The following AUTS2 variants were observed in gnomAD, a reference collection of about 807,000 sequenced individuals.
AUTS2 encodes activator of transcription and developmental regulator AUTS2.
In AUTS2, 17 loss-of-function variants were observed where a neutral mutation model predicts 112.4. The ratio of observed to expected loss-of-function variants is 0.15; its 90% confidence interval spans 0.10 to 0.23. The LOEUF (loss-of-function observed/expected upper bound fraction) is 0.23, where lower values mean the gene tolerates loss of function less well. AUTS2 is among the 10% of genes least tolerant of loss of function. AUTS2 has a pLI of 1.00. For synonymous variants in AUTS2, 751 were observed against 702.7 expected (o/e 1.07, Z -1.09); for missense variants, 1,510 against 1,701.6 (o/e 0.89, Z 1.98).
intron 4 of AUTS2, among the ~76,000 whole-genome samples, chr7:70,166,699 G>GA (rs1210030785): frequency 6.6e-6 from 1 of 151,572 alleles, no homozygotes; most frequent in Non-Finnish European, 1.5e-5. Context: ...AAAAAATTAA[G>GA]AAAAAAAGGG....
chr7:69,943,965 A>G (rs1297821266), intron 2 of AUTS2, among the ~76,000 whole-genome samples: 1 of 152,244 alleles, frequency 6.6e-6, no homozygotes, highest in Non-Finnish European at 1.5e-5. Context: ...GTTGTTTTAA[A>G]TAATTAGATT....
Position 69,977,526 on chromosome 7 carries a change from A to G in AUTS2, c.522+78028A>G, listed in dbSNP as rs146651387. Among the ~76,000 whole-genome samples the G allele has an allele frequency of 1.5e-3, 235 of 152,336 alleles. 5 individuals carry two copies. In the East Asian group the frequency reaches 0.043, roughly 28 times the overall value. On this transcript the variant is annotated intron_variant, in intron 2 of 18. Transcript: ENST00000342771. ...GTATTTATGGATCATTTGTGGTACT[A>G]TGGACATTTTAACAACAGTAGGTAT...
chr7:70,611,694 A>G (rs1343220945), intron 5 of AUTS2, among the ~76,000 whole-genome samples: 1 of 152,232 alleles, frequency 6.6e-6, no homozygotes, highest in Non-Finnish European at 1.5e-5. Context: ...ACGCAGTCAC[A>G]ATGGATAACT....
intron 1 of AUTS2, among the ~76,000 whole-genome samples, chr7:69,821,214 A>G (rs934480459): frequency 5.3e-5 from 8 of 152,172 alleles, no homozygotes; most frequent in African/African-American, 1.9e-4. Flanking sequence ...GAGTAGAGAT[A>G]TGAAGAAATA....
chr7:69,624,935 C>T (rs1216330365), intron 1 of AUTS2, among the ~76,000 whole-genome samples: 2 of 118,662 alleles, frequency 1.7e-5, no homozygotes, highest in African/African-American at 6.4e-5. Flanking sequence ...GGTGCCCCCG[C>T]CCCCCACCCC....
intron 4 of AUTS2, among the ~76,000 whole-genome samples, chr7:70,423,447 A>G (rs1365994294): frequency 1.3e-5 from 2 of 152,146 alleles, no homozygotes; most frequent in Non-Finnish European, 2.9e-5. Context: ...TATCCATTCT[A>G]TTTATCTGTG....
chr7:70,524,870 G>C (rs1485693982), intron 5 of AUTS2, among the ~76,000 whole-genome samples: 1 of 152,198 alleles, frequency 6.6e-6, no homozygotes, highest in Non-Finnish European at 1.5e-5. Context: ...GCCCAGTGCA[G>C]ACGCCTCGAT....
At chr7:70,289,316 G>A (rs1441717963) in intron 4 of AUTS2, among the ~76,000 whole-genome samples, 1 of 152,190 alleles carries the variant, frequency 6.6e-6, no homozygotes, top group Non-Finnish European at 1.5e-5. Flanking sequence ...CAGTGCTATT[G>A]GAAGATGCAT....
intron 4 of AUTS2, among the ~76,000 whole-genome samples, chr7:70,325,656 C>T (rs567985737): frequency 1.7e-4 from 26 of 152,272 alleles, no homozygotes; most frequent in African/African-American, 5.5e-4. Context: ...ACCCCACCCC[C>T]GATCAGATTC....
intron 1 of AUTS2, among the ~76,000 whole-genome samples, chr7:69,620,676 G>A (rs1462246597): frequency 6.6e-6 from 1 of 152,164 alleles, no homozygotes; most frequent in Non-Finnish European, 1.5e-5. Flanking sequence ...TACTAAAAAA[G>A]CAAGAATATG....
At chr7:69,756,371 C>G (rs1297888804) in intron 1 of AUTS2, among the ~76,000 whole-genome samples, 1 of 152,152 alleles carries the variant, frequency 6.6e-6, no homozygotes, top group African/African-American at 2.4e-5. Flanking sequence ...TACATATCAG[C>G]AAGCAAAATA....
intron 2 of AUTS2, among the ~76,000 whole-genome samples, chr7:70,091,735 G>A (rs1803932201): frequency 6.6e-6 from 1 of 152,150 alleles, no homozygotes; most frequent in Non-Finnish European, 1.5e-5. Context: ...TCTGGGTCCT[G>A]TGGTAATCAT....
intron 2 of AUTS2, among the ~76,000 whole-genome samples, chr7:70,065,332 A>G (rs1802438053): frequency 6.6e-6 from 1 of 152,196 alleles, no homozygotes; most frequent in Non-Finnish European, 1.5e-5. Flanking sequence ...ACCAGAATTC[A>G]AGGAAAAAAA....
At chr7:70,088,134 T>C (rs1407597584) in intron 2 of AUTS2, among the ~76,000 whole-genome samples, 1 of 152,098 alleles carries the variant, frequency 6.6e-6, no homozygotes, top group Non-Finnish European at 1.5e-5. Context: ...TTTTGTTTGT[T>C]TGTTTTTGAG....
intron 5 of AUTS2, among the ~76,000 whole-genome samples, chr7:70,629,582 A>G (rs1426379582): frequency 2.6e-5 from 4 of 152,060 alleles, no homozygotes; most frequent in Non-Finnish European, 5.9e-5. Flanking sequence ...CACCTCCCTT[A>G]GCAGCCTGAA....
intron 14 of AUTS2, among the ~76,000 whole-genome samples, chr7:70,780,429 T>C (rs1178509769): frequency 6.6e-6 from 1 of 151,910 alleles, no homozygotes; most frequent in Non-Finnish European, 1.5e-5. Context: ...TTGTTTTTTT[T>C]TTTTGGAGAC....
chr7:69,891,670 A>G (rs574202065), intron 1 of AUTS2, among the ~76,000 whole-genome samples: 2 of 139,202 alleles, frequency 1.4e-5, no homozygotes, highest in South Asian at 2.4e-4. Flanking sequence ...CAGCCATTTT[A>G]TATGTATGTA....
chr7:70,476,327 T>G (rs1797581023), intron 5 of AUTS2, among the ~76,000 whole-genome samples: 1 of 152,124 alleles, frequency 6.6e-6, no homozygotes, highest in Non-Finnish European at 1.5e-5. Flanking sequence ...TTCCAATGGC[T>G]CAGAGCTTCT....
chr7:69,643,481 G>C (rs1794885193), intron 1 of AUTS2: 1 of 151,680 alleles, frequency 6.6e-6, no homozygotes, highest in Admixed American at 6.6e-5. Flanking sequence ...TCATACTAAA[G>C]CCTCAATAAA....
Sources: allele counts gnomAD v4.1 joint callset (sites outside exome capture counted in the v4.1 genomes callset), GRCh38; gene constraint gnomAD v4.1.1; transcripts MANE v1.5; gene names NCBI Gene and HGNC (gene_info 2026-07-23, HGNC 2026-07-21).